Variants in ANKMY1 observed in about 807,000 individuals in gnomAD.
ANKMY1 encodes ankyrin repeat and MYND domain containing 1, also known as ankyrin repeat and MYND domain-containing protein 1.
In ANKMY1, 98 loss-of-function variants were observed where a neutral mutation model predicts 102.0. The observed-to-expected ratio is 0.96, with a 90% CI of 0.82 to 1.14. The LOEUF (loss-of-function observed/expected upper bound fraction) is 1.14. ANKMY1 is among the 50% of genes most tolerant of loss of function. The probability of loss-of-function intolerance (pLI) is 0.00; values close to 1 mark genes in which losing one functional copy is unlikely to be tolerated. For synonymous variants in ANKMY1, 582 were observed against 559.9 expected, an observed-to-expected ratio of 1.04 and a Z score of -0.56; for missense variants, 1,330 against 1,347.6, an observed-to-expected ratio of 0.99 and a Z score of 0.20.
At chr2:240,479,912 G>A (rs544117042) in intron 17 of ANKMY1, among the ~76,000 whole-genome samples, 7 of 152,288 alleles carry the variant, frequency 4.6e-5, no homozygotes, top group Admixed American at 3.9e-4. Context: ...GAGGGCGCCT[G>A]TTATTAAAAG....
At chr2:240,526,720 T>C (rs2083511719) in intron 5 of ANKMY1, 1 of 1,364,442 alleles carries the variant, frequency 7.3e-7, no homozygotes, top group African/African-American at 1.5e-5. Flanking sequence ...AGTACATCCA[T>C]GCATCTCTGA....
intron 15 of ANKMY1, among the ~76,000 whole-genome samples, chr2:240,483,437 G>A (rs1031003639): frequency 3.9e-5 from 6 of 152,138 alleles, no homozygotes; most frequent in South Asian, 2.1e-4. Context: ...GATTACAGGC[G>A]TGAGCCACCG....
intron 15 of ANKMY1, among the ~76,000 whole-genome samples, chr2:240,491,649 T>C (rs764800586): frequency 1.3e-5 from 2 of 152,222 alleles, no homozygotes; most frequent in Admixed American, 6.5e-5. Context: ...TGACTTTATA[T>C]CTCCTTCATT....
intron 8 of ANKMY1, among the ~76,000 whole-genome samples, chr2:240,521,481 G>A (rs1321585459): frequency 6.7e-6 from 1 of 148,386 alleles, no homozygotes; most frequent in African/African-American, 2.5e-5. Flanking sequence ...CGGAACTCGC[G>A]GTGTTACAGC....
chr2:240,551,705 C>T (rs2091556221), intron 4 of ANKMY1, among the ~76,000 whole-genome samples: 1 of 152,172 alleles, frequency 6.6e-6, no homozygotes, highest in Non-Finnish European at 1.5e-5. Context: ...TATGGAGCTG[C>T]CCACAACGCC....
chr2:240,489,458 A>AG (rs960105280), intron 15 of ANKMY1, among the ~76,000 whole-genome samples: 13 of 105,020 alleles, frequency 1.2e-4, no homozygotes, highest in African/African-American at 4.3e-4. Flanking sequence ...CTCTATCTCA[A>AG]AAAAAAAAAA....
intron 4 of ANKMY1, chr2:240,552,593 C>A: frequency 2.9e-6 from 1 of 350,648 alleles, no homozygotes; most frequent in Non-Finnish European, 5.5e-6. Flanking sequence ...AAAGACTAGG[C>A]ATGTTCTCCA....
rs1343932287 is a variant in ANKMY1 at position 240,481,078 on chromosome 2, A to G, written c.2905T>C (p.Cys969Arg). 6.2e-7 allele frequency: 1 copy of G among 1,610,542 alleles called. No individual in the cohort carries two copies. The highest frequency in any genetic ancestry group is 8.5e-7 in the Non-Finnish European group (1 of 1,177,292). Residue 969 changes from cysteine (C) to arginine (R), a missense_variant, in exon 17 of 18, where the codon TGC becomes CGC. Cys to Arg is a radical substitution (Grantham distance 180, BLOSUM62 -3). Transcript: ENST00000401804. ...CCGATGGAGCGGCCACACTGGTAGC[A>G]GAACTTGAAGAAGGGAATTCTGCAA... is the stretch of plus-strand genomic sequence containing the variant. ...EQGQIPFFKF[C>R]YQCGRSIGVR...
downstream of ANKMY1, among the ~76,000 whole-genome samples, chr2:240,479,148 G>A (rs941044800): frequency 1.3e-5 from 2 of 152,186 alleles, no homozygotes; most frequent in Non-Finnish European, 2.9e-5. Flanking sequence ...ACCCCAGTAG[G>A]AGCCTTGCAC....
chr2:240,475,823 G>A (rs1173971096), downstream of ANKMY1, among the ~76,000 whole-genome samples: 1 of 151,796 alleles, frequency 6.6e-6, no homozygotes, highest in African/African-American at 2.4e-5. Flanking sequence ...AATATATACT[G>A]CAAACTATAA....
chr2:240,550,376 G>C (rs535510938), intron 4 of ANKMY1, among the ~76,000 whole-genome samples: 3 of 113,650 alleles, frequency 2.6e-5, no homozygotes, highest in Non-Finnish European at 5.2e-5. Flanking sequence ...GGTGGGGGGA[G>C]GGGGGAGGGA....
intron 5 of ANKMY1, chr2:240,527,201 T>C (rs1575166688): frequency 6.9e-6 from 1 of 144,140 alleles, no homozygotes; most frequent in Admixed American, 7.8e-5. Flanking sequence ...GGTGGATGAA[T>C]GGGTGCCGCA....
intron 1 of ANKMY1, 74 bp downstream of exon 1, chr2:240,557,807 C>A: frequency 1.1e-6 from 1 of 936,052 alleles, no homozygotes; most frequent in Non-Finnish European, 1.3e-6. Context: ...TGGCGCCCCC[C>A]CGCACCCGCC....
chr2:240,504,815 T>C (rs567688053), intron 13 of ANKMY1, among the ~76,000 whole-genome samples: 119 of 152,052 alleles, frequency 7.8e-4, no homozygotes, highest in African/African-American at 2.8e-3. Context: ...GAGACCAGCC[T>C]GGCCAACATG....
chr2:240,559,717 G>A (rs1239090702), upstream of ANKMY1, among the ~76,000 whole-genome samples: 2 of 152,234 alleles, frequency 1.3e-5, no homozygotes, highest in South Asian at 2.1e-4. Flanking sequence ...TGCAACCAGG[G>A]AAGACCTGGC....
chr2:240,508,384 G>T (rs1196860187), intron 12 of ANKMY1, among the ~76,000 whole-genome samples: 1 of 152,250 alleles, frequency 6.6e-6, no homozygotes, highest in Non-Finnish European at 1.5e-5. Flanking sequence ...AGAGAAGAAA[G>T]CAGGGAGCAG....
Position 240,529,444 on chromosome 2 carries a change from G to C in ANKMY1, c.546C>G (p.Asp182Glu). The C allele has an allele frequency of 1.2e-6, 2 of 1,614,100 alleles. No homozygotes were observed. Among genetic ancestry groups the C allele is most frequent in the Middle Eastern group, 1.7e-4 (1 of 6,054 alleles). The change falls in exon 5 of 18, where the codon GAC becomes GAG. Residue 182 changes from aspartate (D) to glutamate (E), a missense_variant. Asp to Glu is a conservative substitution (Grantham distance 45, BLOSUM62 2). Transcript: ENST00000401804. The surrounding 1 kb of genome is among the most constrained non-coding windows in gnomAD (Gnocchi z 4.2). ...GCTGCTCTCGGAACCACAGCCCCAC[G>C]TCCTGGCTGCCATCGGGGTAGGTCT... is the stretch of plus-strand genomic sequence containing the variant. ...GVETYPDGSQ[D>E]VGLWFREQLI...
At chr2:240,476,279 G>A (rs544310148), downstream of ANKMY1, among the ~76,000 whole-genome samples, 80 of 152,244 alleles carry the variant, frequency 5.3e-4, no homozygotes, top group African/African-American at 1.7e-3. Flanking sequence ...TTGGAAAGTC[G>A]GATATGTACA....
the ANKMY1 span, among the ~76,000 whole-genome samples, chr2:240,473,135 A>AC: frequency 1.3e-4 from 19 of 150,584 alleles, no homozygotes; most frequent in African/African-American, 3.7e-4. Context: ...AAAAAAAAAA[A>AC]AAAACAAAAA....
Sources: allele counts gnomAD v4.1 joint callset (sites outside exome capture counted in the v4.1 genomes callset), GRCh38; gene constraint gnomAD v4.1.1; non-coding constraint Gnocchi (gnomAD v3.1); transcripts MANE v1.5; gene names NCBI Gene and HGNC (gene_info 2026-07-23, HGNC 2026-07-21).